Variants in SGMS2 observed in about 807,000 individuals in gnomAD.
SGMS2 encodes sphingomyelin synthase 2, also known as phosphatidylcholine:ceramide cholinephosphotransferase 2.
A neutral mutation model predicts 43.8 loss-of-function variants in SGMS2; 21 were observed. The ratio of observed to expected loss-of-function variants is 0.48; its 90% CI spans 0.34 to 0.69. SGMS2 has a LOEUF of 0.69. Among genes scored for constraint, SGMS2 ranks in the 30% least tolerant of loss-of-function variants. SGMS2 has a pLI of 0.01. For missense variants in SGMS2, 384 were observed against 443.2 expected (o/e 0.87, Z 1.20); for synonymous variants, 167 against 160.6 (o/e 1.04, Z -0.30).
intron 3 of SGMS2, among the ~76,000 whole-genome samples, chr4:107,898,972 A>G (rs1391398927): frequency 2.0e-5 from 3 of 152,224 alleles, no homozygotes; most frequent in Non-Finnish European, 4.4e-5. Flanking sequence ...GACATTTTCA[A>G]GATAGAGTTT....
chr4:107,849,243 T>C (rs1267755196), intron 1 of SGMS2, among the ~76,000 whole-genome samples: 2 of 152,068 alleles, frequency 1.3e-5, no homozygotes, highest in African/African-American at 4.8e-5. Flanking sequence ...CCTTTCTCCT[T>C]AGTTATGTCT....
intron 1 of SGMS2, among the ~76,000 whole-genome samples, chr4:107,833,524 A>G (rs1202171717): frequency 3.3e-5 from 5 of 152,206 alleles, no homozygotes; most frequent in Non-Finnish European, 7.3e-5. Flanking sequence ...ACGTCACATG[A>G]TGGGTCGTAG....
In SGMS2 at chr4:107,897,249, A is replaced by G. The variant is rs537878935; in HGVS notation, c.455+1241A>G. Among the ~76,000 whole-genome samples, 161 of 152,332 alleles carry G rather than the reference A, an allele frequency of 1.1e-3. 1 individual carries two copies. In the Middle Eastern group the frequency reaches 0.027, roughly 26 times the overall value. Reference sequence around the variant, plus strand: ...CCACAAACTGCAGTCATTCCTAAGCATTTTCCTTAATATAACTCTTCATGT... The same window carrying G: ...CCACAAACTGCAGTCATTCCTAAGCGTTTTCCTTAATATAACTCTTCATGT... On this transcript the variant is annotated intron_variant, in intron 3 of 6. Coordinates refer to ENST00000690982, the MANE Select transcript of SGMS2 (RefSeq NM_001375905.1).
chr4:107,894,103 G>C (rs564998282), intron 2 of SGMS2: 2 of 151,954 alleles, frequency 1.3e-5, no homozygotes, highest in Non-Finnish European at 2.9e-5. Flanking sequence ...TGCCATTTTC[G>C]CTGTGTTTTT....
At chr4:107,896,080 A>G (rs949373786) in intron 3 of SGMS2, 72 bp downstream of exon 3, 1 of 1,405,024 alleles carries the variant, frequency 7.1e-7, no homozygotes, top group African/African-American at 1.4e-5. Flanking sequence ...TATTGAGATT[A>G]TTTTTCCTTT....
intron 2 of SGMS2, among the ~76,000 whole-genome samples, chr4:107,880,111 T>G (rs1729229994): frequency 6.6e-6 from 1 of 152,086 alleles, no homozygotes; most frequent in Admixed American, 6.6e-5. Flanking sequence ...CAAGCATATC[T>G]CCCCTGAAGT....
chr4:107,830,908 A>T (rs745571760), intron 1 of SGMS2, among the ~76,000 whole-genome samples: 8 of 152,316 alleles, frequency 5.3e-5, no homozygotes, highest in Admixed American at 2.0e-4. Flanking sequence ...GCTTCTCCAA[A>T]CACAGAAGAT....
At chr4:107,900,083 G>T (rs1372202659) in intron 4 of SGMS2, among the ~76,000 whole-genome samples, 2 of 152,042 alleles carry the variant, frequency 1.3e-5, no homozygotes, top group Non-Finnish European at 2.9e-5. Flanking sequence ...TTCATAATTT[G>T]TCACATGCTG....
At position 107,884,998 on chromosome 4, in the gene SGMS2, A is replaced by G. The variant is rs146383526; in HGVS notation, c.-244-10312A>G. 5.4e-3 allele frequency among the ~76,000 whole-genome samples: 826 copies of G among 152,220 alleles called. 2 individuals carry two copies. Among genetic ancestry groups the G allele is most frequent in the Non-Finnish European group, 8.0e-3 (545 of 67,972 alleles). On this transcript the variant is annotated intron_variant, in intron 2 of 6. Coordinates refer to ENST00000690982, the MANE Select transcript of SGMS2 (RefSeq NM_001375905.1). ...AGTGTCTGGGAAAGCAAAAAAAGCC[A>G]CAATAGTTCCTCTCTCAGTGGATGG... is the stretch of plus-strand genomic sequence containing the variant.
intron 2 of SGMS2, among the ~76,000 whole-genome samples, 195 bp downstream of exon 2, chr4:107,858,748 A>G (rs1334862431): frequency 6.6e-6 from 1 of 152,124 alleles, no homozygotes; most frequent in Non-Finnish European, 1.5e-5. Context: ...CATCCTCAGG[A>G]GAGTCTTAAA....
Position 107,899,767 on chromosome 4 carries a change from C to G in SGMS2, c.573+75C>G, listed in dbSNP as rs1037112727. 77 of 828,964 alleles carry G rather than the reference C, an allele frequency of 9.3e-5. 1 individual carries two copies. In the African/African-American group the frequency reaches 1.3e-3, roughly 14 times the overall value. The allele number at this position is 828,964 out of a possible 1,614,324, so 51.4% of individuals were successfully genotyped here. Reference sequence around the variant, plus strand: ...GATCACTTACCCTGTATTATACATTCTTCTAGACACTTCCCTATGTGTTAG... The same window carrying G: ...GATCACTTACCCTGTATTATACATTGTTCTAGACACTTCCCTATGTGTTAG... On this transcript the variant is annotated intron_variant, in intron 4 of 6. Transcript: ENST00000690982.
At chr4:107,904,365 C>G (rs1032614485) in intron 5 of SGMS2, among the ~76,000 whole-genome samples, 2 of 152,160 alleles carry the variant, frequency 1.3e-5, no homozygotes, top group Non-Finnish European at 2.9e-5. Context: ...TTCTTCCCTC[C>G]TCTCTTGGCC....
intron 2 of SGMS2, among the ~76,000 whole-genome samples, chr4:107,866,029 G>T (rs1172878571): frequency 6.6e-6 from 1 of 152,192 alleles, no homozygotes. Flanking sequence ...AGAAACTAAG[G>T]ACCAAGGAGA....
chr4:107,832,709 T>C (rs946940901), intron 1 of SGMS2, among the ~76,000 whole-genome samples: 7 of 152,208 alleles, frequency 4.6e-5, no homozygotes, highest in Non-Finnish European at 8.8e-5. Context: ...TACAACTAGA[T>C]TATATATTTC....
At chr4:107,888,899 T>C (rs192526493) in intron 2 of SGMS2, among the ~76,000 whole-genome samples, 141 of 152,326 alleles carry the variant, frequency 9.3e-4, no homozygotes, top group Non-Finnish European at 1.4e-3. Context: ...TAATTGTTTA[T>C]GTAGATTATT....
At chr4:107,835,069 T>G (rs1010294453) in intron 1 of SGMS2, among the ~76,000 whole-genome samples, 20 of 150,768 alleles carry the variant, frequency 1.3e-4, no homozygotes, top group African/African-American at 4.9e-4. Context: ...TAGATGGGGT[T>G]TTTTTTTTAA....
At chr4:107,854,992 C>G (rs1405335040) in intron 1 of SGMS2, among the ~76,000 whole-genome samples, 1 of 152,138 alleles carries the variant, frequency 6.6e-6, no homozygotes, top group Non-Finnish European at 1.5e-5. Context: ...TGCATTTTCT[C>G]TCTTTCTCTG....
At chr4:107,867,027 A>G (rs1415452739) in intron 2 of SGMS2, 1 of 152,160 alleles carries the variant, frequency 6.6e-6, no homozygotes, top group Non-Finnish European at 1.5e-5. Flanking sequence ...TTCTTTAGCC[A>G]TGGAACCCAG....
intron 5 of SGMS2, among the ~76,000 whole-genome samples, chr4:107,904,472 T>TG (rs1731380005): frequency 6.6e-6 from 1 of 152,142 alleles, no homozygotes; most frequent in Non-Finnish European, 1.5e-5. Flanking sequence ...TTTGATTACC[T>TG]GGGGTATTTA....
Sources: allele counts gnomAD v4.1 joint callset (sites outside exome capture counted in the v4.1 genomes callset), GRCh38; gene constraint gnomAD v4.1.1; transcripts MANE v1.5; gene names NCBI Gene and HGNC (gene_info 2026-07-23, HGNC 2026-07-21).